Variants in NEBL observed in about 807,000 individuals in gnomAD.
The protein encoded by NEBL is LIM and SH3 protein 2.
NEBL carries 122 observed loss-of-function variants against 140.2 expected under a neutral mutation model. The observed-to-expected ratio is 0.87, with a 90% CI of 0.75 to 1.01. NEBL has a LOEUF of 1.01. NEBL is among the 50% of genes least tolerant of loss of function. The pLI, the probability that NEBL is intolerant of heterozygous loss-of-function variation, is 0.00. For synonymous variants in NEBL, 436 were observed against 398.9 expected, an observed-to-expected ratio of 1.09 and a Z score of -1.11; for missense variants, 1,365 against 1,231.3, an observed-to-expected ratio of 1.11 and a Z score of -1.62.
At chr10:21,144,845 T>C (rs1425297310) in intron 2 of NEBL, among the ~76,000 whole-genome samples, 1 of 151,926 alleles carries the variant, frequency 6.6e-6, no homozygotes, top group African/African-American at 2.4e-5. Context: ...GTCTCTCATC[T>C]CCTCTGTAAA....
intron 2 of NEBL, among the ~76,000 whole-genome samples, chr10:21,051,297 A>G (rs1345065973): frequency 1.3e-5 from 2 of 152,244 alleles, no homozygotes; most frequent in Admixed American, 6.5e-5. Context: ...TTAAAAAACA[A>G]ATGCATAAAA....
chr10:21,210,303 T>C (rs986605747), intron 3 of NEBL, among the ~76,000 whole-genome samples: 1 of 151,888 alleles, frequency 6.6e-6, no homozygotes, highest in African/African-American at 2.4e-5. Flanking sequence ...CTGAGGCAGG[T>C]GAATCACTTG....
chr10:21,159,398 T>C (rs1840464045), intron 2 of NEBL, among the ~76,000 whole-genome samples: 2 of 152,172 alleles, frequency 1.3e-5, no homozygotes, highest in Non-Finnish European at 2.9e-5. Flanking sequence ...GAAGGTTTTC[T>C]TAAAAGGCTA....
intron 3 of NEBL, among the ~76,000 whole-genome samples, chr10:21,240,676 G>A (rs187683950): frequency 2.8e-4 from 42 of 152,174 alleles, no homozygotes; most frequent in South Asian, 4.2e-4. Context: ...ATTTAATATC[G>A]TTACAAGTTA....
chr10:20,855,154 T>C (rs542385346), intron 9 of NEBL, among the ~76,000 whole-genome samples: 10 of 150,822 alleles, frequency 6.6e-5, no homozygotes, highest in African/African-American at 9.8e-5. Context: ...CGCTTGAACC[T>C]GGGAGCGGAG....
rs374451899 is a variant in NEBL, at chr10:20,808,568, G to A, written c.2703C>T (p.Ser901=). ...AGCATGAAAAGCTAGGGTAAATCTC[G>A]GAGATTTCTGACCTGTCGTCTCCGA... ...TGLGDDRSEI[S]EIYPSFSCCS... Residue 901 remains serine, a synonymous_variant, in exon 26 of 28, where the codon TCC becomes TCT. Transcript: ENST00000377122. 89 of 1,613,766 alleles carry A rather than the reference G, an allele frequency of 5.5e-5. No homozygotes were observed. The highest frequency in any genetic ancestry group is 6.8e-5 in the Non-Finnish European group (80 of 1,179,896).
intron 16 of NEBL, among the ~76,000 whole-genome samples, chr10:20,830,068 T>C (rs921250517): frequency 1.3e-5 from 2 of 152,202 alleles, no homozygotes; most frequent in Non-Finnish European, 2.9e-5. Flanking sequence ...TCACGAACAC[T>C]GAGAACAGAA....
rs1335100397 is a variant in NEBL at position 21,284,224 on chromosome 10, A to AAG, written n.182+8605_182+8606insCT. ...GACTCCGTCTCCAAAAAAAAAAAAA[A>AAG]AAAAAAAAACGAAAATGAAGTGGCT... On this transcript the variant is annotated intron_variant and non_coding_transcript_variant, in intron 1 of 8. Transcript: ENST00000675702. 7.6e-4 allele frequency among the ~76,000 whole-genome samples: 100 copies of AAG among 130,998 alleles called. 2 individuals carry two copies. The highest frequency in any genetic ancestry group is 2.6e-3 in the African/African-American group (97 of 36,938). The allele number at this position is 130,998 out of a possible 152,430, so 85.9% of individuals were successfully genotyped here.
Position 21,114,693 on chromosome 10 carries a change from C to G in NEBL, c.164+57690G>C, listed in dbSNP as rs569344712. Among the ~76,000 whole-genome samples, 4 of 152,060 alleles carry G rather than the reference C, an allele frequency of 2.6e-5. No homozygotes were observed. In the South Asian group the frequency reaches 8.3e-4, roughly 32 times the overall value. The stretch of plus-strand genomic sequence containing the variant: ...TCCTTGCTCAGAAATATACGTTGTC[C>G]CATATGCATACAGCTACTCCACCTT... On this transcript the variant is annotated intron_variant, in intron 2 of 6. Transcript: ENST00000417816.
At chr10:21,146,341 C>T (rs776404266) in intron 2 of NEBL, 36 of 1,609,686 alleles carry the variant, frequency 2.2e-5, no homozygotes, top group Non-Finnish European at 3.1e-5. Context: ...ACATACTCTA[C>T]CTGTTCATGT....
At chr10:20,938,415 C>T (rs1314722990) in intron 4 of NEBL, among the ~76,000 whole-genome samples, 1 of 152,126 alleles carries the variant, frequency 6.6e-6, no homozygotes, top group African/African-American at 2.4e-5. Flanking sequence ...ACAGAAAGGA[C>T]ATCCACACCA....
intron 26 of NEBL, among the ~76,000 whole-genome samples, chr10:20,801,788 T>C (rs759053113): frequency 2.0e-5 from 3 of 152,092 alleles, no homozygotes; most frequent in Non-Finnish European, 2.9e-5. Context: ...AGTTCCAGAA[T>C]GTACTGAAGC....
intron 2 of NEBL, among the ~76,000 whole-genome samples, chr10:21,128,679 A>G (rs1838954870): frequency 1.3e-5 from 2 of 152,218 alleles, no homozygotes. Context: ...AGGAAGACCA[A>G]CAAGAGAACA....
intron 26 of NEBL, among the ~76,000 whole-genome samples, chr10:20,790,096 G>A (rs1482213152): frequency 6.6e-6 from 1 of 151,984 alleles, no homozygotes. Context: ...ATGTGTATAT[G>A]TTGCAGACAG....
intron 2 of NEBL, among the ~76,000 whole-genome samples, chr10:21,067,784 C>G (rs1835633961): frequency 1.3e-5 from 2 of 151,924 alleles, no homozygotes; most frequent in Admixed American, 1.3e-4. Context: ...CAAGACCAGC[C>G]TGGGCAACAT....
chr10:21,280,658 A>G (rs1437229398), intron 1 of NEBL, among the ~76,000 whole-genome samples: 2 of 110,810 alleles, frequency 1.8e-5, no homozygotes, highest in East Asian at 6.2e-4. Context: ...CCCAGGCTGG[A>G]GTGCAGTGGT....
chr10:20,924,090 C>CA (rs1281473178), intron 4 of NEBL, among the ~76,000 whole-genome samples: 1 of 152,054 alleles, frequency 6.6e-6, no homozygotes, highest in Non-Finnish European at 1.5e-5. Context: ...ATAGCAAATC[C>CA]AAAATCACTC....
chr10:21,231,927 C>T (rs1043068568), intron 3 of NEBL, among the ~76,000 whole-genome samples: 16 of 152,288 alleles, frequency 1.1e-4, no homozygotes, highest in East Asian at 1.9e-4. Context: ...AGACACACCT[C>T]GCTATGCCCC....
chr10:21,146,543 G>C, intron 2 of NEBL: 1 of 1,561,874 alleles, frequency 6.4e-7, no homozygotes, highest in Non-Finnish European at 8.8e-7. Flanking sequence ...GGTGAAAATG[G>C]TGCTGTGTTT....
Sources: allele counts gnomAD v4.1 joint callset (sites outside exome capture counted in the v4.1 genomes callset), GRCh38; gene constraint gnomAD v4.1.1; transcripts MANE v1.5; gene names NCBI Gene and HGNC (gene_info 2026-07-23, HGNC 2026-07-21).